The following TRHR variants were observed in gnomAD, a reference collection of about 807,000 sequenced individuals.
TRHR encodes the protein thyrotropin-releasing hormone receptor.
In TRHR, 14 loss-of-function variants were observed where a neutral mutation model predicts 28.0. The ratio of observed to expected loss-of-function variants is 0.50; its 90% CI spans 0.33 to 0.78. The LOEUF (loss-of-function observed/expected upper bound fraction) is 0.78, where lower values mean the gene tolerates loss of function less well. Among genes scored for constraint, TRHR ranks in the 30% least tolerant of loss-of-function variants. The pLI is 0.02. For missense variants in TRHR, 438 were observed against 469.5 expected (o/e 0.93, Z 0.62); for synonymous variants, 176 against 171.9 (o/e 1.02, Z -0.18).
chr8:109,106,031 A>C (rs1194889770), intron 2 of TRHR, among the ~76,000 whole-genome samples: 2 of 152,186 alleles, frequency 1.3e-5, no homozygotes, highest in Non-Finnish European at 2.9e-5. Context: ...CATTAAATAA[A>C]TATGTTTGCA....
chr8:109,107,274 C>T (rs1811765889), intron 2 of TRHR, among the ~76,000 whole-genome samples: 1 of 152,152 alleles, frequency 6.6e-6, no homozygotes, highest in African/African-American at 2.4e-5. Flanking sequence ...ATCTCATCCC[C>T]TTAAATTATG....
chr8:109,102,810 A>G (rs1448217437), intron 2 of TRHR, among the ~76,000 whole-genome samples: 1 of 152,052 alleles, frequency 6.6e-6, no homozygotes, highest in Non-Finnish European at 1.5e-5. Context: ...AGCTGATCTG[A>G]ATTTCTTTGT....
At position 109,087,658 on chromosome 8, in the gene TRHR, T is replaced by G. The variant is rs756967122; in HGVS notation, c.146T>G (p.Val49Gly). ...GTAGGCAACATCATGGTAGTCCTGG[T>G]TGTCATGAGAACCAAGCACATGAGG... ...GIVGNIMVVL[V>G]VMRTKHMRTP... Residue 49 changes from valine to glycine, a missense_variant, in exon 2 of 3, where the codon GTT becomes GGT. By Grantham distance (109) the Val-to-Gly change is moderately radical (BLOSUM62 -3). Transcript: ENST00000518632. 1 of 1,614,106 alleles carries G rather than the reference T, an allele frequency of 6.2e-7. No individual in the cohort carries two copies. The highest frequency in any genetic ancestry group is 8.5e-7 in the Non-Finnish European group (1 of 1,180,020).
intron 2 of TRHR, 116 bp downstream of exon 2, chr8:109,088,417 A>G: frequency 9.1e-7 from 1 of 1,093,476 alleles, no homozygotes. Flanking sequence ...AATCATGCAA[A>G]TGTTTCACAG....
rs538971776 is a variant in TRHR at position 109,094,237 on chromosome 8, T to A, written c.789+5936T>A. ...ACTGAGGCTACAGGCTCATCTTTCA[T>A]TTTTTTTTTTTCATTTTTCAAAATT... On this transcript the variant is annotated intron_variant, in intron 2 of 2. Coordinates refer to ENST00000518632, the MANE Select transcript of TRHR (RefSeq NM_003301.7). Among the ~76,000 whole-genome samples, 43 of 21,122 alleles carry A rather than the reference T, an allele frequency of 2.0e-3. No individual in the cohort carries two copies. In the East Asian group the frequency reaches 0.043, roughly 21 times the overall value. 13.9% of individuals were successfully genotyped at this position (21,122 alleles called of 152,430 possible). A position where few individuals can be genotyped will look rare whatever the true frequency, so the allele number is the denominator to read the frequency against.
chr8:109,105,036 T>C (rs988766360), intron 2 of TRHR, among the ~76,000 whole-genome samples: 2 of 152,184 alleles, frequency 1.3e-5, no homozygotes, highest in African/African-American at 4.8e-5. Context: ...CCCATTTGCA[T>C]ATGTGTCCAT....
intron 2 of TRHR, among the ~76,000 whole-genome samples, chr8:109,102,629 A>G (rs1218901275): frequency 6.6e-6 from 1 of 152,090 alleles, no homozygotes; most frequent in Admixed American, 6.6e-5. Context: ...GTTGGTCTCT[A>G]TTTTTTCAGT....
intron 2 of TRHR, among the ~76,000 whole-genome samples, chr8:109,118,238 AT>A (rs1398009376): frequency 2.0e-5 from 3 of 151,912 alleles, no homozygotes; most frequent in African/African-American, 7.2e-5. Flanking sequence ...TACAATACCT[AT>A]TTTAGGAGGT....
chr8:109,101,675 C>A lies in TRHR; in HGVS notation c.789+13374C>A, dbSNP rs1261269461. 2.0e-5 allele frequency among the ~76,000 whole-genome samples: 3 copies of A among 152,192 alleles called. No homozygotes were observed. The South Asian group carries it at 6.2e-4, about 32-fold the overall frequency. ...AAGAAACATATTTCAGTAGGTTAAG[C>A]ATGTCAGGTTTAGTTTTGTCCATGT... On this transcript the variant is annotated intron_variant, in intron 2 of 2. Transcript: ENST00000518632.
chr8:109,110,542 C>T (rs1811815254), intron 2 of TRHR, among the ~76,000 whole-genome samples: 1 of 152,086 alleles, frequency 6.6e-6, no homozygotes, highest in Non-Finnish European at 1.5e-5. Flanking sequence ...CCAGAAAACA[C>T]TCCATAATGC....
chr8:109,104,589 C>G (rs893157099), intron 2 of TRHR, among the ~76,000 whole-genome samples: 1 of 151,916 alleles, frequency 6.6e-6, no homozygotes, highest in Non-Finnish European at 1.5e-5. Context: ...TTATATATTG[C>G]AAATTTGTTG....
At chr8:109,097,656 G>T (rs1005706630) in intron 2 of TRHR, among the ~76,000 whole-genome samples, 1 of 152,172 alleles carries the variant, frequency 6.6e-6, no homozygotes, top group Non-Finnish European at 1.5e-5. Context: ...CTTGAAAAAT[G>T]AGTAGGCATT....
At chr8:109,090,718 G>T (rs1415018175) in intron 2 of TRHR, among the ~76,000 whole-genome samples, 1 of 152,152 alleles carries the variant, frequency 6.6e-6, no homozygotes, top group Non-Finnish European at 1.5e-5. Context: ...GAAGGATGAA[G>T]ATAATTTGAA....
intron 2 of TRHR, among the ~76,000 whole-genome samples, chr8:109,094,895 T>C (rs1811566380): frequency 1.3e-5 from 2 of 152,030 alleles, no homozygotes; most frequent in Admixed American, 6.6e-5. Context: ...GACAAACTAC[T>C]TTATACTTCT....
intron 2 of TRHR, among the ~76,000 whole-genome samples, chr8:109,097,097 C>A (rs1417353862): frequency 6.6e-6 from 1 of 152,138 alleles, no homozygotes; most frequent in Non-Finnish European, 1.5e-5. Flanking sequence ...GGAAACATGG[C>A]AAACTCAGAT....
At chr8:109,107,032 A>G (rs1159240762) in intron 2 of TRHR, among the ~76,000 whole-genome samples, 4 of 152,176 alleles carry the variant, frequency 2.6e-5, no homozygotes, top group Non-Finnish European at 4.4e-5. Context: ...AGAAGAATTA[A>G]TATCTACCAC....
In TRHR at chr8:109,116,062, T is replaced by C. The variant is rs367863312; in HGVS notation, c.790-2986T>C. 1.3e-3 allele frequency among the ~76,000 whole-genome samples: 195 copies of C among 152,328 alleles called. 1 individual carries two copies. Among genetic ancestry groups the C allele is most frequent in the South Asian group, 4.1e-3 (20 of 4,826 alleles). ...TTTTCTGCATCTATTGAGATAATCA[T>C]GTGGTTTTTGTCGTTGGTTCTGTTT... On this transcript the variant is annotated intron_variant, in intron 2 of 2. Transcript: ENST00000518632.
At chr8:109,118,926 C>T in intron 2 of TRHR, 122 bp from the exon 3 acceptor site, 5 of 1,216,844 alleles carry the variant, frequency 4.1e-6, no homozygotes, top group Non-Finnish European at 6.0e-6. Context: ...AATAAATGAC[C>T]TGCACCTAAC....
At chr8:109,097,400 C>G (rs768419231) in intron 2 of TRHR, among the ~76,000 whole-genome samples, 26 of 152,108 alleles carry the variant, frequency 1.7e-4, no homozygotes, top group Admixed American at 3.3e-4. Context: ...CCTTTCATCC[C>G]TTTTCTGTCT....
Sources: allele counts gnomAD v4.1 joint callset (sites outside exome capture counted in the v4.1 genomes callset), GRCh38; gene constraint gnomAD v4.1.1; transcripts MANE v1.5; gene names NCBI Gene and HGNC (gene_info 2026-07-23, HGNC 2026-07-21).